Variants in NAV2 observed in about 807,000 individuals in gnomAD.
NAV2 encodes the protein neuron navigator 2.
Under a neutral mutation model 223.2 loss-of-function variants are expected in NAV2, and 54 were observed. The ratio of observed to expected loss-of-function variants is 0.24; its 90% CI spans 0.19 to 0.30. The LOEUF is 0.30. Ranked by LOEUF, NAV2 falls within the 10% of genes least tolerant of loss-of-function variation. The probability of loss-of-function intolerance (pLI) is 1.00; values close to 1 mark genes in which losing one functional copy is unlikely to be tolerated. For synonymous variants in NAV2, 1,279 were observed against 1,239.3 expected, an observed-to-expected ratio of 1.03 and a Z score of -0.67; for missense variants, 2,806 against 3,147.5, an observed-to-expected ratio of 0.89 and a Z score of 2.60.
At chr11:19,501,269 A>G (rs923146004) in intron 1 of NAV2, among the ~76,000 whole-genome samples, 2 of 152,172 alleles carry the variant, frequency 1.3e-5, no homozygotes, top group African/African-American at 2.4e-5. Flanking sequence ...TTACATTTGC[A>G]CAGTCCCTTT....
intron 1 of NAV2, among the ~76,000 whole-genome samples, chr11:19,586,314 A>G (rs12788177): frequency 0.19 from 29,429 of 151,972 alleles, 3,672 homozygotes; most frequent in African/African-American, 0.35. Flanking sequence ...CTTCTTTGCC[A>G]TGGGTTCGAA....
intron 1 of NAV2, among the ~76,000 whole-genome samples, chr11:19,460,573 C>G (rs937609602): frequency 9.5e-5 from 14 of 147,582 alleles, no homozygotes; most frequent in Non-Finnish European, 1.6e-4. Flanking sequence ...ACCGCATGTT[C>G]TCACTCATAG....
chr11:19,365,782 C>G (rs1396658114), intron 1 of NAV2, among the ~76,000 whole-genome samples: 1 of 152,184 alleles, frequency 6.6e-6, no homozygotes, highest in Admixed American at 6.5e-5. Context: ...TTTAAATACA[C>G]TTAGTGTTTT....
At chr11:19,958,201 A>G (rs2048047600) in intron 10 of NAV2, among the ~76,000 whole-genome samples, 1 of 152,202 alleles carries the variant, frequency 6.6e-6, no homozygotes, top group South Asian at 2.1e-4. Flanking sequence ...GGCCTTGGAC[A>G]CTGGAATCCT....
At chr11:19,530,606 G>A (rs912797868) in intron 1 of NAV2, among the ~76,000 whole-genome samples, 28 of 152,228 alleles carry the variant, frequency 1.8e-4, no homozygotes, top group Non-Finnish European at 3.2e-4. Flanking sequence ...CATGGACACC[G>A]CTGTGCTTCT....
chr11:20,006,415 A>G (rs993181276), intron 11 of NAV2, among the ~76,000 whole-genome samples: 4 of 152,098 alleles, frequency 2.6e-5, no homozygotes, highest in Non-Finnish European at 4.4e-5. Flanking sequence ...AGTGGCTCAC[A>G]CATGTAATCC....
intron 3 of NAV2, among the ~76,000 whole-genome samples, chr11:19,850,174 C>T (rs1202764834): frequency 6.6e-6 from 1 of 152,122 alleles, no homozygotes; most frequent in Non-Finnish European, 1.5e-5. Context: ...GACTGATCTC[C>T]CGCTTGCCCC....
intron 1 of NAV2, among the ~76,000 whole-genome samples, chr11:19,431,480 A>G (rs1851034884): frequency 2.0e-5 from 3 of 152,104 alleles, no homozygotes; most frequent in African/African-American, 7.2e-5. Context: ...TTCAAATTTT[A>G]TTTCTGTTTC....
chr11:19,762,804 G>A (rs1343477690), intron 1 of NAV2, among the ~76,000 whole-genome samples: 1 of 151,820 alleles, frequency 6.6e-6, no homozygotes, highest in African/African-American at 2.4e-5. Flanking sequence ...AGTAGAGACG[G>A]GGTTTCACCA....
At chr11:20,077,522 A>T (rs1158844143) in intron 22 of NAV2, 30 bp from the exon 23 acceptor site, 3 of 1,554,578 alleles carry the variant, frequency 1.9e-6, no homozygotes, top group Non-Finnish European at 2.7e-6. Context: ...TTGCAAGGTA[A>T]TATAACTGAG....
chr11:19,945,864 A>AG (rs1298713661), intron 8 of NAV2, among the ~76,000 whole-genome samples: 1 of 152,246 alleles, frequency 6.6e-6, no homozygotes, highest in Non-Finnish European at 1.5e-5. Context: ...CAGTAAGTAG[A>AG]GGAGCTTGAA....
chr11:20,025,060 A>G (rs1249053250), intron 11 of NAV2, among the ~76,000 whole-genome samples: 1 of 152,178 alleles, frequency 6.6e-6, no homozygotes, highest in Non-Finnish European at 1.5e-5. Flanking sequence ...AGTCAATGTG[A>G]TTTTAAAAAG....
chr11:19,767,974 A>G (rs4757844), intron 1 of NAV2, among the ~76,000 whole-genome samples: 23,845 of 152,276 alleles, frequency 0.16, 1,958 homozygotes, highest in Middle Eastern at 0.25. Context: ...GAGAAGCTGC[A>G]GAGCCTGAGC....
intron 6 of NAV2, among the ~76,000 whole-genome samples, chr11:19,907,904 G>A (rs910674173): frequency 6.6e-6 from 1 of 152,202 alleles, no homozygotes; most frequent in African/African-American, 2.4e-5. Context: ...GGGGGCTGGT[G>A]ACTACAGTGT....
chr11:19,391,755 A>G (rs563211194), intron 1 of NAV2, among the ~76,000 whole-genome samples: 47 of 152,120 alleles, frequency 3.1e-4, no homozygotes, highest in Non-Finnish European at 6.2e-4. Flanking sequence ...TTAAATCTCA[A>G]GTGTGACTTT....
At chr11:19,986,239 T>C (rs1020021740) in intron 11 of NAV2, among the ~76,000 whole-genome samples, 12 of 152,214 alleles carry the variant, frequency 7.9e-5, no homozygotes, top group African/African-American at 2.9e-4. Context: ...TAGGTTGTTT[T>C]AGTTCAGCCT....
At chr11:19,459,096 T>G (rs1852061418) in intron 1 of NAV2, among the ~76,000 whole-genome samples, 1 of 152,232 alleles carries the variant, frequency 6.6e-6, no homozygotes, top group Admixed American at 6.5e-5. Context: ...AAGAGCTACA[T>G]CAATTGTAAC....
upstream of NAV2, chr11:19,711,439 C>T (rs1437899603): frequency 6.6e-6 from 1 of 152,192 alleles, no homozygotes; most frequent in African/African-American, 2.4e-5. Flanking sequence ...AGTAAGAAAG[C>T]ATCTCTCTCC....
At chr11:19,823,505 GC>G (rs2059489560) in intron 1 of NAV2, among the ~76,000 whole-genome samples, 1 of 152,086 alleles carries the variant, frequency 6.6e-6, no homozygotes, top group Admixed American at 6.6e-5. Flanking sequence ...ACCGTGCCCA[GC>G]CTATTTCTTA....
Sources: gnomAD v4.1 joint callset for allele counts (sites outside exome capture counted in the v4.1 genomes callset) on GRCh38, gnomAD v4.1.1 for gene constraint, MANE v1.5 for transcripts, NCBI Gene and HGNC (gene_info 2026-07-23, HGNC 2026-07-21) for gene names.